The following DIP2A variants were observed in gnomAD, a reference collection of about 807,000 sequenced individuals.
DIP2A encodes disco-interacting protein 2 homolog A.
In DIP2A, 85 loss-of-function variants were observed where a neutral mutation model predicts 177.4. The ratio of observed to expected loss-of-function variants is 0.48; its 90% CI spans 0.40 to 0.57. The LOEUF (loss-of-function observed/expected upper bound fraction) is 0.57. DIP2A is among the 20% of genes least tolerant of loss of function. The probability of loss-of-function intolerance (pLI) is 0.00; values close to 1 mark genes in which losing one functional copy is unlikely to be tolerated. For missense variants in DIP2A, 1,791 were observed against 2,100.2 expected (o/e 0.85, Z 2.88); for synonymous variants, 886 against 881.8 (o/e 1.00, Z -0.08).
downstream of DIP2A, among the ~76,000 whole-genome samples, chr21:46,573,645 C>CAAAAAAAAAAAAAAAAAAAA (rs201994694): frequency 6.0e-4 from 32 of 52,972 alleles, 2 homozygotes; most frequent in Admixed American, 1.0e-3. Flanking sequence ...CCCTCTCTCA[C>CAAAAAAAAAAAAAAAAAAAA]AAAAAAAAAA....
the DIP2A span, among the ~76,000 whole-genome samples, chr21:46,575,434 G>A: frequency 6.6e-6 from 1 of 151,760 alleles, no homozygotes. Flanking sequence ...AGAGCAATTA[G>A]GCAAGAAAAA....
intron 6 of DIP2A, among the ~76,000 whole-genome samples, chr21:46,507,888 G>C (rs2058099173): frequency 6.6e-6 from 1 of 150,860 alleles, no homozygotes; most frequent in Non-Finnish European, 1.5e-5. Context: ...TTTACTACAG[G>C]TGCATACCAG....
downstream of DIP2A, among the ~76,000 whole-genome samples, chr21:46,574,193 G>A (rs938375815): frequency 3.3e-5 from 5 of 152,044 alleles, no homozygotes; most frequent in Non-Finnish European, 5.9e-5. Flanking sequence ...ATAGCAGAAG[G>A]AAAACTGAGA....
rs780411171 is a variant in DIP2A, at chr21:46,554,946, G to A, written c.3388+13G>A. 33 of 1,549,222 alleles carry A rather than the reference G, an allele frequency of 2.1e-5. No homozygotes were observed. Among genetic ancestry groups the A allele is most frequent in the Admixed American group, 1.2e-4 (6 of 51,014 alleles). ...ATCCTAGACACAGGTGCGTGTCCTC[G>A]CACTGCCCAGGACCAGTCCCTTTTC... On this transcript the variant is annotated intron_variant, in intron 28 of 37. Transcript: ENST00000417564.
chr21:46,496,925 T>A (rs2057389834), intron 3 of DIP2A, 63 bp from the exon 4 acceptor site: 1 of 1,478,960 alleles, frequency 6.8e-7, no homozygotes, highest in Non-Finnish European at 9.0e-7. Flanking sequence ...AACATGAAAC[T>A]TAATTTGTTA....
intron 1 of DIP2A, among the ~76,000 whole-genome samples, chr21:46,477,075 TCA>T (rs2055911174): frequency 6.6e-6 from 1 of 152,122 alleles, no homozygotes. Flanking sequence ...CAGGTATGGA[TCA>T]CTCCTCGTTT....
At chr21:46,496,945 C>G in intron 3 of DIP2A, 43 bp from the exon 4 acceptor site, 3 of 1,545,078 alleles carry the variant, frequency 1.9e-6, no homozygotes, top group Non-Finnish European at 2.6e-6. Context: ...ACTTTATAAA[C>G]AGTCTTGTAA....
intron 1 of DIP2A, among the ~76,000 whole-genome samples, chr21:46,462,128 G>T (rs2054373362): frequency 6.6e-6 from 1 of 152,178 alleles, no homozygotes; most frequent in African/African-American, 2.4e-5. Context: ...TGGCTTCTTG[G>T]CTTCTTTCCC....
intron 7 of DIP2A, 43 bp downstream of exon 7, chr21:46,509,419 G>T (rs776353862): frequency 1.3e-5 from 21 of 1,571,844 alleles, no homozygotes; most frequent in Non-Finnish European, 2.6e-6. Context: ...TGTATGAAAA[G>T]GGTGGCCACG....
intron 1 of DIP2A, among the ~76,000 whole-genome samples, chr21:46,482,533 G>C (rs950068423): frequency 1.3e-5 from 2 of 152,166 alleles, no homozygotes; most frequent in African/African-American, 4.8e-5. Flanking sequence ...ACAATTTATT[G>C]TTATTTTAGA....
At chr21:46,545,100 C>A in intron 18 of DIP2A, 37 bp from the exon 19 acceptor site, 1 of 1,554,804 alleles carries the variant, frequency 6.4e-7, no homozygotes, top group South Asian at 1.2e-5. Context: ...CATTTAAACA[C>A]GTTCTTGATA....
chr21:46,574,424 A>G (rs1369974034), downstream of DIP2A, among the ~76,000 whole-genome samples: 1 of 152,134 alleles, frequency 6.6e-6, no homozygotes, highest in Non-Finnish European at 1.5e-5. Flanking sequence ...AACTTAAGAA[A>G]CTAAAAAAGA....
At chr21:46,503,571 T>TCTTCCTTCCTTCCTTCCTTCCTTC (rs911345370) in intron 5 of DIP2A, among the ~76,000 whole-genome samples, 3 of 83,672 alleles carry the variant, frequency 3.6e-5, no homozygotes, top group East Asian at 4.0e-4. Flanking sequence ...TGAGGGAATT[T>TCTTCCTTCCTTCCTTCCTTCCTTC]CTTCCTTCCT....
chr21:46,565,008 T>A (rs538898157), intron 35 of DIP2A, among the ~76,000 whole-genome samples: 65 of 152,328 alleles, frequency 4.3e-4, no homozygotes, highest in African/African-American at 1.5e-3. Flanking sequence ...CACCCCGTTC[T>A]CCTCTTTCAG....
chr21:46,561,982 T>C, intron 34 of DIP2A, 177 bp downstream of exon 34: 3 of 920,930 alleles, frequency 3.3e-6, no homozygotes, highest in Non-Finnish European at 3.9e-6. Context: ...TATATAGAAT[T>C]ACTTAGTTAT....
the DIP2A span, among the ~76,000 whole-genome samples, chr21:46,580,065 T>C: frequency 1.3e-5 from 2 of 152,230 alleles, no homozygotes; most frequent in African/African-American, 4.8e-5. Context: ...AGTCTCCCGC[T>C]ATTATTGTGT....
chr21:46,554,786 G>GGGGGGGGGGCCCCCCCCCCCCCCC, intron 27 of DIP2A, 36 bp from the exon 28 acceptor site: 1 of 1,519,110 alleles, frequency 6.6e-7, no homozygotes, highest in Non-Finnish European at 8.8e-7. Context: ...AGCTTGAGAG[G>GGGGGGGGGGCCCCCCCCCCCCCCC]CCCCGCCCAC....
chr21:46,507,096 A>T (rs2058053045), intron 6 of DIP2A, among the ~76,000 whole-genome samples: 1 of 151,684 alleles, frequency 6.6e-6, no homozygotes, highest in African/African-American at 2.4e-5. Flanking sequence ...TTTCTTATTG[A>T]GTTTTGAGGG....
At position 46,498,557 on chromosome 21, in the gene DIP2A, C is replaced by T. The variant is rs2057480769; in HGVS notation, c.404-25C>T. ...CCTCTTGACTCATCCCGATATCATGCCTGTCATCGTTATTTTAACCACAGA... is the reference window on the plus strand; with the variant it reads ...CCTCTTGACTCATCCCGATATCATGTCTGTCATCGTTATTTTAACCACAGA... On this transcript the variant is annotated intron_variant, in intron 4 of 37. Transcript: ENST00000417564. The surrounding 1 kb of genome is among the most constrained non-coding windows in gnomAD (Gnocchi z 4.3). The T allele has an allele frequency of 6.3e-7, 1 of 1,585,458 alleles. No individual in the cohort carries two copies. Among genetic ancestry groups the T allele is most frequent in the East Asian group, 2.2e-5 (1 of 44,584 alleles).
Sources: allele counts gnomAD v4.1 joint callset (sites outside exome capture counted in the v4.1 genomes callset), GRCh38; gene constraint gnomAD v4.1.1; non-coding constraint Gnocchi (gnomAD v3.1); transcripts MANE v1.5; gene names NCBI Gene and HGNC (gene_info 2026-07-23, HGNC 2026-07-21).